The following NCOR2 variants were observed in gnomAD, a reference collection of about 807,000 sequenced individuals.
NCOR2 encodes nuclear receptor corepressor 2, also known as CTG repeat protein 26.
NCOR2 carries 81 observed loss-of-function variants against 262.9 expected under a neutral mutation model. That is an observed-to-expected ratio of 0.31 (90% CI 0.26 to 0.37). The LOEUF (loss-of-function observed/expected upper bound fraction) is 0.37. NCOR2 is among the 10% of genes least tolerant of loss of function. The pLI is 1.00. For missense variants in NCOR2, 3,385 were observed against 3,621.4 expected, an observed-to-expected ratio of 0.93 and a Z score of 1.68; for synonymous variants, 1,659 against 1,559.3, an observed-to-expected ratio of 1.06 and a Z score of -1.51.
At chr12:124,507,934 C>A (rs2049140588) in intron 1 of NCOR2, among the ~76,000 whole-genome samples, 1 of 152,392 alleles carries the variant, frequency 6.6e-6, no homozygotes, top group African/African-American at 2.4e-5. Context: ...TCCATGCACG[C>A]AGGCCCTCAA....
At chr12:124,403,301 C>T (rs1370249614) in intron 13 of NCOR2, among the ~76,000 whole-genome samples, 1 of 152,272 alleles carries the variant, frequency 6.6e-6, no homozygotes, top group East Asian at 1.9e-4. Flanking sequence ...GGGGACAGAA[C>T]AAGCCCATTT....
At chr12:124,385,972 G>A (rs1323857984) in intron 16 of NCOR2, 85 bp from the exon 19 acceptor site, 3 of 1,501,782 alleles carry the variant, frequency 2.0e-6, no homozygotes, top group African/African-American at 2.8e-5. Flanking sequence ...CGGCAAACGG[G>A]CCTGGAGCAG....
chr12:124,391,204 A>G (rs1412447303), intron 16 of NCOR2, among the ~76,000 whole-genome samples: 1 of 151,926 alleles, frequency 6.6e-6, no homozygotes, highest in African/African-American at 2.4e-5. Context: ...ACCACCGCCC[A>G]CCTGCATCTG....
chr12:124,505,952 G>A (rs1358761649), intron 1 of NCOR2, among the ~76,000 whole-genome samples: 2 of 152,038 alleles, frequency 1.3e-5, no homozygotes, highest in African/African-American at 4.8e-5. Flanking sequence ...GGGGAAAATA[G>A]GCCAGGTGCA....
intron 7 of NCOR2, among the ~76,000 whole-genome samples, chr12:124,444,863 C>T (rs973200341): frequency 1.3e-5 from 2 of 152,050 alleles, no homozygotes; most frequent in East Asian, 1.9e-4. Flanking sequence ...GGAGTAGAGA[C>T]CCAGGAGAGG....
intron 35 of NCOR2, 25 bp from the exon 38 acceptor site, chr12:124,340,468 T>A: frequency 6.2e-7 from 1 of 1,607,270 alleles, no homozygotes; most frequent in Non-Finnish European, 8.5e-7. Flanking sequence ...GGCCAGAGAC[T>A]CAGCCCCAGG....
rs148867993 is a variant in NCOR2, at chr12:124,462,013, C to T, written c.705+4160G>A. Among the ~76,000 whole-genome samples, 578 of 152,326 alleles carry T rather than the reference C, an allele frequency of 3.8e-3. 1 individual carries two copies. Among genetic ancestry groups the T allele is most frequent in the African/African-American group, 0.012 (510 of 41,566 alleles). Reference sequence around the variant, plus strand: ...ACACACATGCCCGCATACACACACCCAAGTGTGCTGTATCAATGCACGAAT... The same window carrying T: ...ACACACATGCCCGCATACACACACCTAAGTGTGCTGTATCAATGCACGAAT... On this transcript the variant is annotated intron_variant, in intron 5 of 46. Transcript: ENST00000405201.
intron 15 of NCOR2, among the ~76,000 whole-genome samples, chr12:124,398,837 C>T (rs919541747): frequency 2.6e-5 from 4 of 152,250 alleles, no homozygotes; most frequent in South Asian, 4.1e-4. Flanking sequence ...TTCATACCCC[C>T]ACTCATCCAG....
intron 15 of NCOR2, among the ~76,000 whole-genome samples, chr12:124,398,836 C>A (rs1202882254): frequency 6.6e-6 from 1 of 152,362 alleles, no homozygotes; most frequent in East Asian, 1.9e-4. Flanking sequence ...GTTCATACCC[C>A]CACTCATCCA....
intron 5 of NCOR2, among the ~76,000 whole-genome samples, chr12:124,462,856 A>G (rs981335957): frequency 1.3e-5 from 2 of 152,174 alleles, no homozygotes; most frequent in Admixed American, 6.5e-5. Context: ...TCCTAATCAC[A>G]TCATATAAAC....
intron 8 of NCOR2, among the ~76,000 whole-genome samples, chr12:124,437,135 G>A (rs1052354739): frequency 6.7e-6 from 1 of 148,772 alleles, no homozygotes; most frequent in East Asian, 2.1e-4. Flanking sequence ...GAAATGTAAT[G>A]AAATGAAATG....
chr12:124,371,939 T>G (rs1367671396), intron 20 of NCOR2, 83 bp downstream of exon 22: 4 of 1,361,702 alleles, frequency 2.9e-6, no homozygotes, highest in Non-Finnish European at 3.9e-6. Context: ...AGAGCCAGAC[T>G]GGGTGCGGCT....
intron 27 of NCOR2, 36 bp downstream of exon 29, chr12:124,354,057 C>G: frequency 6.3e-7 from 1 of 1,579,098 alleles, no homozygotes; most frequent in Non-Finnish European, 8.6e-7. Context: ...CGTGCTGGTC[C>G]CAACCGTCCT....
chr12:124,397,347 C>A (rs781498403), intron 16 of NCOR2, among the ~76,000 whole-genome samples: 1 of 152,232 alleles, frequency 6.6e-6, no homozygotes, highest in Non-Finnish European at 1.5e-5. Flanking sequence ...ACTCAACAGA[C>A]GGGCAAACCG....
intron 1 of NCOR2, among the ~76,000 whole-genome samples, chr12:124,506,103 G>C (rs942826581): frequency 2.0e-5 from 3 of 151,292 alleles, no homozygotes; most frequent in African/African-American, 4.9e-5. Context: ...CCCAGGCAAA[G>C]CAGGCCCCAC....
intron 7 of NCOR2, among the ~76,000 whole-genome samples, chr12:124,444,434 G>T (rs991471477): frequency 4.6e-5 from 7 of 152,208 alleles, no homozygotes; most frequent in Non-Finnish European, 1.0e-4. Flanking sequence ...TATTCCAGGG[G>T]AGTCCGGTTG....
chr12:124,344,778 C>G, exon 32 of NCOR2: 1 of 1,550,548 alleles, frequency 6.4e-7, no homozygotes, highest in African/African-American at 1.4e-5. Context: ...CGGTCCCTGG[C>G]CGGCTCTTCA....
exon 15 of NCOR2, chr12:124,400,541 G>A: frequency 6.2e-7 from 1 of 1,614,180 alleles, no homozygotes; most frequent in Non-Finnish European, 8.5e-7. Context: ...CCTCCTCGCT[G>A]TTGGCCTCAT....
At chr12:124,388,173 C>T (rs1357916860) in intron 16 of NCOR2, among the ~76,000 whole-genome samples, 2 of 152,134 alleles carry the variant, frequency 1.3e-5, no homozygotes, top group South Asian at 2.1e-4. Flanking sequence ...GGCCAGAGCT[C>T]GCTAGCAGTC....
Sources: allele counts gnomAD v4.1 joint callset (sites outside exome capture counted in the v4.1 genomes callset), GRCh38; gene constraint gnomAD v4.1.1; transcripts MANE v1.5; gene names NCBI Gene and HGNC (gene_info 2026-07-23, HGNC 2026-07-21).